Variants in DNAJC3 observed in about 807,000 individuals in gnomAD.
DNAJC3 encodes the protein DnaJ heat shock protein family (Hsp40) member C3, also known as dnaJ homolog subfamily C member 3.
DNAJC3 carries 38 observed loss-of-function variants against 68.6 expected under a neutral mutation model. That is an observed-to-expected ratio of 0.55 (90% CI 0.43 to 0.73). The LOEUF (loss-of-function observed/expected upper bound fraction) is 0.73, where lower values mean the gene tolerates loss of function less well. DNAJC3 is among the 30% of genes least tolerant of loss of function. The pLI is 0.00. For synonymous variants in DNAJC3, 203 were observed against 204.0 expected, an observed-to-expected ratio of 1.00 and a Z score of 0.04; for missense variants, 526 against 591.9, an observed-to-expected ratio of 0.89 and a Z score of 1.16.
rs1883850288 is a variant in DNAJC3 at position 95,793,402 on chromosome 13, G to GTCTC, written c.*2373_*2376dup. 2.0e-5 allele frequency: 3 copies of GTCTC among 150,448 alleles called. No homozygotes were observed. Among genetic ancestry groups the GTCTC allele is most frequent in the Non-Finnish European group, 4.4e-5 (3 of 67,828 alleles). The allele number at this position is 150,448 out of a possible 1,614,324, so 9.3% of individuals were successfully genotyped here. ...AAAGAGATAGTCATTCCCCCTGCCTGTCTCACTGTAGGGTAGCATTATCCA... is the reference window on the plus strand; with the variant it reads ...AAAGAGATAGTCATTCCCCCTGCCTGTCTCTCTCACTGTAGGGTAGCATTATCCA... On this transcript the variant is annotated 3_prime_UTR_variant, in exon 12 of 12. Coordinates refer to ENST00000602402, the MANE Select transcript of DNAJC3 (RefSeq NM_006260.5).
At chr13:95,719,815 A>G (rs1201874002) in intron 2 of DNAJC3, among the ~76,000 whole-genome samples, 1 of 152,326 alleles carries the variant, frequency 6.6e-6, no homozygotes, top group East Asian at 1.9e-4. Context: ...GTATGATGGG[A>G]TCCTTAATAC....
At chr13:95,704,852 T>TTTTTTTTTTTTTTTTTTTTG (rs1880684437) in intron 1 of DNAJC3, among the ~76,000 whole-genome samples, 1 of 121,474 alleles carries the variant, frequency 8.2e-6, no homozygotes, top group Non-Finnish European at 1.6e-5. Flanking sequence ...TGTGTGTGTG[T>TTTTTTTTTTTTTTTTTTTTG]TTTTTTTTTT....
intron 9 of DNAJC3, among the ~76,000 whole-genome samples, chr13:95,764,656 AT>A (rs1430407480): frequency 1.2e-4 from 14 of 112,418 alleles, no homozygotes; most frequent in African/African-American, 5.6e-4. Context: ...ATATATATAT[AT>A]ATATATATAT....
intron 1 of DNAJC3, among the ~76,000 whole-genome samples, chr13:95,697,359 A>G (rs1292219101): frequency 2.0e-5 from 3 of 152,138 alleles, no homozygotes; most frequent in African/African-American, 7.2e-5. Context: ...AGAGGCCCCA[A>G]ACTCTTTTGG....
chr13:95,715,591 GC>G (rs1250089484), intron 2 of DNAJC3, among the ~76,000 whole-genome samples: 2 of 149,478 alleles, frequency 1.3e-5, no homozygotes, highest in Non-Finnish European at 3.0e-5. Flanking sequence ...AAGCGATTCT[GC>G]CTTGGCCTCC....
At chr13:95,745,974 G>T (rs1357171105) in intron 4 of DNAJC3, among the ~76,000 whole-genome samples, 1 of 152,172 alleles carries the variant, frequency 6.6e-6, no homozygotes, top group Non-Finnish European at 1.5e-5. Flanking sequence ...ACCTCTAGGG[G>T]CAGAGGACTG....
intron 1 of DNAJC3, chr13:95,692,681 T>A (rs1880307273): frequency 6.6e-6 from 1 of 152,152 alleles, no homozygotes; most frequent in Admixed American, 6.5e-5. Flanking sequence ...ATTACCACCA[T>A]ATTTAGAGCA....
intron 5 of DNAJC3, among the ~76,000 whole-genome samples, chr13:95,759,116 C>T (rs888608034): frequency 6.6e-6 from 1 of 152,138 alleles, no homozygotes; most frequent in African/African-American, 2.4e-5. Flanking sequence ...TTCCACCAGC[C>T]TTATTGATGA....
chr13:95,729,376 TTCTCCC>T (rs374776275), intron 4 of DNAJC3, among the ~76,000 whole-genome samples: 1,838 of 128,312 alleles, frequency 0.014, 38 homozygotes, highest in Middle Eastern at 0.057. Flanking sequence ...CTGCCTATCC[TTCTCCC>T]TCTCCCTCTC....
At chr13:95,735,285 G>A (rs1296258675) in intron 4 of DNAJC3, among the ~76,000 whole-genome samples, 2 of 115,720 alleles carry the variant, frequency 1.7e-5, no homozygotes, top group African/African-American at 7.0e-5. Flanking sequence ...AAACATACGT[G>A]TGCATGTGTC....
At chr13:95,690,789 G>T (rs1416580192) in intron 1 of DNAJC3, among the ~76,000 whole-genome samples, 1 of 144,626 alleles carries the variant, frequency 6.9e-6, no homozygotes, top group African/African-American at 2.6e-5. Flanking sequence ...CCGGGCGGGG[G>T]GCTGACCCCC....
At chr13:95,780,157 C>T (rs1332679598) in intron 9 of DNAJC3, among the ~76,000 whole-genome samples, 1 of 152,216 alleles carries the variant, frequency 6.6e-6, no homozygotes, top group Non-Finnish European at 1.5e-5. Context: ...CTCTCTACTT[C>T]TCTGCACCAA....
intron 1 of DNAJC3, among the ~76,000 whole-genome samples, chr13:95,678,781 C>T (rs1303189908): frequency 6.6e-6 from 1 of 151,928 alleles, no homozygotes; most frequent in Non-Finnish European, 1.5e-5. Flanking sequence ...GCTTTTCCCA[C>T]TACTTTTTAG....
At chr13:95,734,144 G>A (rs1032355250) in intron 4 of DNAJC3, among the ~76,000 whole-genome samples, 1 of 152,090 alleles carries the variant, frequency 6.6e-6, no homozygotes, top group African/African-American at 2.4e-5. Flanking sequence ...GTTTTATACG[G>A]TGTGTTTTCA....
At chr13:95,734,947 C>A (rs1881849469) in intron 4 of DNAJC3, among the ~76,000 whole-genome samples, 1 of 146,380 alleles carries the variant, frequency 6.8e-6, no homozygotes, top group Non-Finnish European at 1.5e-5. Context: ...TTAGGTATAT[C>A]TCCCGATGCT....
At chr13:95,709,150 AT>A (rs1880865158) in intron 1 of DNAJC3, 76 bp from the exon 2 acceptor site, 2 of 1,053,180 alleles carry the variant, frequency 1.9e-6, no homozygotes, top group South Asian at 2.1e-5. Flanking sequence ...ACAGATAACT[AT>A]TTTTAATATT....
chr13:95,773,671 T>A (rs988698497), intron 9 of DNAJC3, among the ~76,000 whole-genome samples: 2 of 151,644 alleles, frequency 1.3e-5, no homozygotes, highest in African/African-American at 4.8e-5. Context: ...ATATTAATAA[T>A]TTGTATTTTC....
chr13:95,735,776 G>C (rs1243045417), intron 4 of DNAJC3, among the ~76,000 whole-genome samples: 1 of 152,152 alleles, frequency 6.6e-6, no homozygotes, highest in African/African-American at 2.4e-5. Context: ...TAGGTTGCCT[G>C]TTCACTCTGA....
intron 1 of DNAJC3, chr13:95,695,317 C>T (rs1880406221): frequency 6.6e-6 from 1 of 152,178 alleles, no homozygotes; most frequent in Non-Finnish European, 1.5e-5. Context: ...ACCTGACTTC[C>T]CGAGCAATCC....
Sources: allele counts gnomAD v4.1 joint callset (sites outside exome capture counted in the v4.1 genomes callset), GRCh38; gene constraint gnomAD v4.1.1; transcripts MANE v1.5; gene names NCBI Gene and HGNC (gene_info 2026-07-23, HGNC 2026-07-21).